The following RPL9 variants were observed in gnomAD, a reference collection of about 807,000 sequenced individuals.
RPL9 encodes large ribosomal subunit protein uL6.
For synonymous variants in RPL9, 82 were observed against 77.1 expected (o/e 1.06, Z -0.33); for missense variants, 149 against 236.7 (o/e 0.63, Z 2.43).
chr4:39,455,849 A>T (rs16995284), intron 5 of RPL9: 10,352 of 179,186 alleles, frequency 0.058, 335 homozygotes, highest in Non-Finnish European at 0.068. Context: ...TTGTTTTTCA[A>T]CTTTAACTCA....
intron 5 of RPL9, chr4:39,456,089 A>C (rs1016852872): frequency 8.2e-6 from 3 of 363,778 alleles, no homozygotes; most frequent in Admixed American, 4.0e-5. Flanking sequence ...TGTGCTCCAT[A>C]AATACACACC....
At chr4:39,454,820 G>A in intron 6 of RPL9, 44 bp downstream of exon 6, 1 of 1,586,438 alleles carries the variant, frequency 6.3e-7, no homozygotes, top group Non-Finnish European at 8.6e-7. Flanking sequence ...ACAAGATTTA[G>A]ACAAAATCTT....
chr4:39,457,119 C>T, intron 4 of RPL9: 1 of 158,322 alleles, frequency 6.3e-6, no homozygotes, highest in Non-Finnish European at 1.4e-5. Flanking sequence ...TTTTTCTATC[C>T]CAACAAGGGG....
chr4:39,458,497 A>G (rs1311557210), intron 1 of RPL9, 57 bp from the exon 2 acceptor site: 2 of 1,574,708 alleles, frequency 1.3e-6, no homozygotes, highest in African/African-American at 2.7e-5. Flanking sequence ...CCACCAAACT[A>G]CGCCGCACAG....
rs577268473 is a variant in RPL9, at chr4:39,458,649, C to T, written c.-1-209G>A. The T allele has an allele frequency of 4.8e-6, 3 of 624,498 alleles. No individual in the cohort carries two copies. In the East Asian group the frequency reaches 8.2e-5, roughly 17 times the overall value. The allele number at this position is 624,498 out of a possible 1,614,324, so 38.7% of individuals were successfully genotyped here. On this transcript the variant is annotated intron_variant, in intron 1 of 7. Transcript: ENST00000295955. ...AATTACGAGGCCCAGCAGTCGAACT[C>T]CCACTCAGCCCAACCCTGGAAGTCC...
At chr4:39,456,745 G>C in intron 4 of RPL9, 2 of 560,254 alleles carry the variant, frequency 3.6e-6, no homozygotes, top group Non-Finnish European at 6.4e-6. Flanking sequence ...TATTTCACTA[G>C]CTCTTATGCC....
chr4:39,457,952 A>G (rs1471654961), intron 3 of RPL9: 1 of 645,508 alleles, frequency 1.5e-6, no homozygotes, highest in East Asian at 2.8e-5. Flanking sequence ...AGGAAAATAA[A>G]CCAAACTTCT....
chr4:39,458,630 G>A lies in RPL9; in HGVS notation c.-1-190C>T, dbSNP rs1027478184. 19 of 637,422 alleles carry A rather than the reference G, an allele frequency of 3.0e-5. No homozygotes were observed. In the African/African-American group the frequency reaches 3.5e-4, roughly 12 times the overall value. 39.5% of individuals were successfully genotyped at this position (637,422 alleles called of 1,614,324 possible). On this transcript the variant is annotated intron_variant, in intron 1 of 7. Transcript: ENST00000295955. ...GGAGCAGCCCCAAAGCGAGAATTAC[G>A]AGGCCCAGCAGTCGAACTCCCACTC...
At chr4:39,458,166 ACT>A in intron 3 of RPL9, 26 bp downstream of exon 3, 1 of 1,609,798 alleles carries the variant, frequency 6.2e-7, no homozygotes, top group South Asian at 1.1e-5. Flanking sequence ...CCAACGAGCA[ACT>A]GAATTATCAG....
In RPL9 at chr4:39,456,039, T is replaced by C. The variant is rs1463226455; in HGVS notation, c.391+367A>G. 2.4e-4 allele frequency: 68 copies of C among 284,648 alleles called. 1 individual carries two copies. Among genetic ancestry groups the C allele is most frequent in the Non-Finnish European group, 6.8e-6 (1 of 146,446 alleles). 17.6% of individuals were successfully genotyped at this position (284,648 alleles called of 1,614,324 possible). Reference sequence around the variant, plus strand: ...GATGGATGTGTTAATTAGCCTGATTTAGTCATTCCACAGAATATGCATGTG... The same window carrying C: ...GATGGATGTGTTAATTAGCCTGATTCAGTCATTCCACAGAATATGCATGTG... On this transcript the variant is annotated intron_variant, in intron 5 of 7. Transcript: ENST00000295955.
rs1744094938 is a variant in RPL9 at position 39,456,549 on chromosome 4, T to C, written c.259-11A>G. On this transcript the variant is annotated splice_polypyrimidine_tract_variant and intron_variant, in intron 4 of 7. Coordinates refer to ENST00000295955, the MANE Select transcript of RPL9 (RefSeq NM_000661.5). Reference sequence around the variant, plus strand: ...CTTGTAACGGAAGCCCTATGTTAAATAAATAAGCAAGCTATTAGCAATGCT... The same window carrying C: ...CTTGTAACGGAAGCCCTATGTTAAACAAATAAGCAAGCTATTAGCAATGCT... The C allele has an allele frequency of 6.2e-7, 1 of 1,604,292 alleles. No individual in the cohort carries two copies. The highest frequency in any genetic ancestry group is 1.3e-5 in the African/African-American group (1 of 74,330).
chr4:39,457,443 G>T, intron 4 of RPL9, 143 bp downstream of exon 4: 1 of 658,922 alleles, frequency 1.5e-6, no homozygotes, highest in Non-Finnish European at 2.7e-6. Context: ...AAGACCCACA[G>T]ATGCCTATTT....
chr4:39,458,524 G>T, intron 1 of RPL9, 84 bp from the exon 2 acceptor site: 1 of 1,432,574 alleles, frequency 7.0e-7, no homozygotes, highest in South Asian at 1.2e-5. Context: ...ACTCCTACTG[G>T]AGACTGCCAG....
chr4:39,454,525 G>C lies in RPL9; in HGVS notation c.*10+8C>G, dbSNP rs750130162. 2.5e-6 allele frequency: 4 copies of C among 1,591,782 alleles called. No individual in the cohort carries two copies. In the Admixed American group the frequency reaches 6.8e-5, roughly 27 times the overall value. On this transcript the variant is annotated splice_region_variant and intron_variant, in intron 7 of 7. Transcript: ENST00000295955. ...AGTAATAAAACTTAAGACACTGTAA[G>C]AACTTACCTCTTAGATCTTATTCAT... is the stretch of plus-strand genomic sequence containing the variant.
At chr4:39,456,671 G>T in intron 4 of RPL9, 133 bp from the exon 5 acceptor site, 1 of 954,376 alleles carries the variant, frequency 1.0e-6, no homozygotes, top group Admixed American at 2.7e-5. Flanking sequence ...ACTGTCACCT[G>T]AACCAAGCCT....
Position 39,457,588 on chromosome 4 carries a change from G to C in RPL9, c.256C>G (p.Leu86Val). 6.2e-7 allele frequency: 1 copy of C among 1,612,690 alleles called. No individual in the cohort carries two copies. Among genetic ancestry groups the C allele is most frequent in the African/African-American group, 1.3e-5 (1 of 75,032 alleles). Reference sequence around the variant, plus strand: ...GGAAGTCTGATACATCTGCTTACCAGTGTAACACCCTTGATCATGTTCTGT... The same window carrying C: ...GGAAGTCTGATACATCTGCTTACCACTGTAACACCCTTGATCATGTTCTGT... ...HVQNMIKGVT[L>V]GFRYKMRSVY... The change falls in exon 4 of 8, where the codon CTG (leucine) becomes GTG (valine). Residue 86 changes from leucine to valine, a missense_variant and splice_region_variant. By Grantham distance (32) the Leu-to-Val change is conservative. Transcript: ENST00000295955.
chr4:39,458,164 C>A (rs1406154872), intron 3 of RPL9, 30 bp downstream of exon 3: 2 of 1,608,078 alleles, frequency 1.2e-6, no homozygotes, highest in Admixed American at 3.3e-5. Flanking sequence ...TTCCAACGAG[C>A]AACTGAATTA....
intron 4 of RPL9, chr4:39,456,819 TA>T (rs1744104939): frequency 3.0e-6 from 1 of 337,972 alleles, no homozygotes. Flanking sequence ...GACATTAGAC[TA>T]ACATTTACTG....
At chr4:39,454,747 CCTT>C in intron 6 of RPL9, 98 bp from the exon 7 acceptor site, 2 of 1,449,198 alleles carry the variant, frequency 1.4e-6, no homozygotes, top group Non-Finnish European at 1.9e-6. Context: ...CAGAATGTGA[CCTT>C]TTTATTTTCA....
Sources: allele counts gnomAD v4.1 joint callset, GRCh38; gene constraint gnomAD v4.1.1; transcripts MANE v1.5; gene names NCBI Gene and HGNC (gene_info 2026-07-23, HGNC 2026-07-21).